Variants in SORCS2 observed in about 807,000 individuals in gnomAD.
SORCS2 encodes VPS10 domain-containing receptor SorCS2.
A neutral mutation model predicts 141.6 loss-of-function variants in SORCS2; 100 were observed. The ratio of observed to expected loss-of-function variants is 0.71; its 90% CI spans 0.60 to 0.83. The LOEUF is 0.83. SORCS2 is among the 40% of genes least tolerant of loss of function. The pLI is 0.00. For synonymous variants in SORCS2, 789 were observed against 676.9 expected (o/e 1.17, Z -2.57); for missense variants, 1,646 against 1,560.2 (o/e 1.05, Z -0.93).
intron 1 of SORCS2, among the ~76,000 whole-genome samples, chr4:7,289,683 G>A (rs753809390): frequency 5.3e-5 from 8 of 152,130 alleles, no homozygotes; most frequent in Non-Finnish European, 7.3e-5. Context: ...AAAGCTCTGC[G>A]GGGAGTTTTC....
chr4:7,258,762 A>G (rs1185213459), intron 1 of SORCS2, among the ~76,000 whole-genome samples: 1 of 152,216 alleles, frequency 6.6e-6, no homozygotes, highest in Non-Finnish European at 1.5e-5. Flanking sequence ...CACTCCCGCC[A>G]ACGGTGGGAA....
At chr4:7,573,419 A>G (rs1242028652) in intron 3 of SORCS2, among the ~76,000 whole-genome samples, 1 of 152,240 alleles carries the variant, frequency 6.6e-6, no homozygotes, top group Non-Finnish European at 1.5e-5. Context: ...GTTCCTAAGT[A>G]AAAGTAAAGG....
intron 14 of SORCS2, among the ~76,000 whole-genome samples, chr4:7,709,192 C>CG (rs1473128237): frequency 3.3e-5 from 5 of 152,200 alleles, no homozygotes; most frequent in African/African-American, 1.2e-4. Flanking sequence ...CGCAGAGCCG[C>CG]GGGGGGCCAG....
At chr4:7,325,231 G>T (rs1719173980) in intron 1 of SORCS2, among the ~76,000 whole-genome samples, 1 of 152,084 alleles carries the variant, frequency 6.6e-6, no homozygotes, top group African/African-American at 2.4e-5. Context: ...TCTGGACAAA[G>T]GCACTTCAGG....
chr4:7,546,910 A>T (rs2109615511), intron 3 of SORCS2, among the ~76,000 whole-genome samples: 1 of 152,348 alleles, frequency 6.6e-6, no homozygotes, highest in African/African-American at 2.4e-5. Flanking sequence ...AAAGCCCGAA[A>T]GATCATTGCC....
chr4:7,559,871 T>C (rs1714410407), intron 3 of SORCS2, among the ~76,000 whole-genome samples: 1 of 152,218 alleles, frequency 6.6e-6, no homozygotes, highest in Admixed American at 6.5e-5. Context: ...TGTCACCCAT[T>C]GGGAGGCATG....
At chr4:7,455,672 C>T (rs368055024) in intron 2 of SORCS2, among the ~76,000 whole-genome samples, 1 of 140,490 alleles carries the variant, frequency 7.1e-6, no homozygotes, top group Non-Finnish European at 1.5e-5. Context: ...GGGTCAGGCT[C>T]CGTGTTGGGG....
chr4:7,528,671 T>C (rs2109535890), intron 2 of SORCS2, among the ~76,000 whole-genome samples: 1 of 152,282 alleles, frequency 6.6e-6, no homozygotes, highest in African/African-American at 2.4e-5. Flanking sequence ...GGCCTCAGCC[T>C]CCTGAAGTGC....
At chr4:7,704,418 G>A (rs1232373946) in intron 14 of SORCS2, 134 bp downstream of exon 14, 2 of 789,052 alleles carry the variant, frequency 2.5e-6, no homozygotes, top group Admixed American at 2.4e-5. Flanking sequence ...AGGTCCCCTT[G>A]CTGGTGAGGA....
intron 2 of SORCS2, among the ~76,000 whole-genome samples, chr4:7,518,074 T>A (rs1733099609): frequency 6.6e-6 from 1 of 152,220 alleles, no homozygotes; most frequent in South Asian, 2.1e-4. Context: ...GGACCAGGGC[T>A]AGACAGGAAC....
intron 4 of SORCS2, among the ~76,000 whole-genome samples, chr4:7,647,907 C>G (rs755013947): frequency 6.6e-6 from 1 of 152,248 alleles, no homozygotes; most frequent in Non-Finnish European, 1.5e-5. Context: ...CGTGGTAAAG[C>G]TTTGCTGCTG....
chr4:7,321,236 C>T (rs1417322197), intron 1 of SORCS2, among the ~76,000 whole-genome samples: 1 of 152,116 alleles, frequency 6.6e-6, no homozygotes, highest in Admixed American at 6.6e-5. Flanking sequence ...AGAATAATGG[C>T]CTCAGGCTCC....
Position 7,192,922 on chromosome 4 carries a change from C to A in SORCS2, c.276C>A (p.Gly92=). Residue 92 remains glycine (G), a synonymous_variant, in exon 1 of 27, where the codon GGC becomes GGA. Coordinates refer to ENST00000507866, the MANE Select transcript of SORCS2 (RefSeq NM_020777.3). This position sits in a 1 kb window ranked among gnomAD's most constrained non-coding sequence, Gnocchi z 4.0. Reference sequence around the variant, plus strand: ...GGCAGGCGCGCGGCACGGAGCCAGGCGCCCCGGGTCCGAGTCCCGGTCCCG... The same window carrying A: ...GGCAGGCGCGCGGCACGGAGCCAGGAGCCCCGGGTCCGAGTCCCGGTCCCG... The part of the protein sequence containing the change: ...EDRQARGTEP[G]APGPSPGPAP... The A allele has an allele frequency of 2.4e-6, 3 of 1,224,514 alleles. No individual in the cohort carries two copies. Among genetic ancestry groups the A allele is most frequent in the Non-Finnish European group, 3.0e-6 (3 of 984,746 alleles). The allele number at this position is 1,224,514 out of a possible 1,614,324, so 75.9% of individuals were successfully genotyped here.
intron 3 of SORCS2, among the ~76,000 whole-genome samples, chr4:7,540,881 C>T (rs977366109): frequency 6.6e-6 from 1 of 152,240 alleles, no homozygotes; most frequent in African/African-American, 2.4e-5. Context: ...CAGCTCAGGC[C>T]TGGCCCTGGC....
chr4:7,560,143 G>A (rs1366446114), intron 3 of SORCS2, among the ~76,000 whole-genome samples: 1 of 152,172 alleles, frequency 6.6e-6, no homozygotes, highest in African/African-American at 2.4e-5. Context: ...CCAAGCCCAC[G>A]GAAATGGCTT....
chr4:7,466,801 CA>C (rs1288556827), intron 2 of SORCS2, among the ~76,000 whole-genome samples: 2 of 152,134 alleles, frequency 1.3e-5, no homozygotes, highest in Non-Finnish European at 2.9e-5. Context: ...AGAATCGGCC[CA>C]GGGGTGCTGG....
intron 26 of SORCS2, 36 bp downstream of exon 26, chr4:7,737,208 ACT>A: frequency 3.2e-6 from 5 of 1,549,242 alleles, no homozygotes; most frequent in Non-Finnish European, 4.4e-6. Context: ...CGACTCGCAG[ACT>A]CTAGGTAACG....
chr4:7,557,580 C>G (rs182375225), intron 3 of SORCS2, among the ~76,000 whole-genome samples: 15 of 152,346 alleles, frequency 9.8e-5, no homozygotes, highest in African/African-American at 3.6e-4. Flanking sequence ...GGACTAGATT[C>G]TGTTATCATA....
At chr4:7,298,338 G>A (rs551613134) in intron 1 of SORCS2, among the ~76,000 whole-genome samples, 2 of 152,318 alleles carry the variant, frequency 1.3e-5, no homozygotes, top group South Asian at 4.1e-4. Flanking sequence ...GGGAGTATGG[G>A]AAGTTGGAGG....
Sources: allele counts gnomAD v4.1 joint callset (sites outside exome capture counted in the v4.1 genomes callset), GRCh38; gene constraint gnomAD v4.1.1; non-coding constraint Gnocchi (gnomAD v3.1); transcripts MANE v1.5; gene names NCBI Gene and HGNC (gene_info 2026-07-23, HGNC 2026-07-21).